TNFSF4: variants seen among roughly 807,000 people sequenced by gnomAD.
TNFSF4 encodes tumor necrosis factor ligand superfamily member 4.
A neutral mutation model predicts 7.3 loss-of-function variants in TNFSF4; 4 were observed. The observed-to-expected ratio is 0.55, with a 90% CI of 0.27 to 1.25. The LOEUF is 1.25. Among genes scored for constraint, TNFSF4 ranks in the 50% most tolerant of loss-of-function variants. TNFSF4 has a pLI of 0.12. For missense variants in TNFSF4, 181 were observed against 208.8 expected (o/e 0.87, Z 0.82); for synonymous variants, 76 against 83.7 (o/e 0.91, Z 0.50).
At chr1:173,324,208 T>A in the TNFSF4 span, among the ~76,000 whole-genome samples, 4 of 152,236 alleles carry the variant, frequency 2.6e-5, no homozygotes, top group Admixed American at 6.5e-5. Context: ...GGGCCAATAT[T>A]CAACATTCTT....
chr1:173,310,051 G>A, the TNFSF4 span, among the ~76,000 whole-genome samples: 1 of 151,642 alleles, frequency 6.6e-6, no homozygotes, highest in Non-Finnish European at 1.5e-5. Flanking sequence ...ATTGAAATTT[G>A]TGTTATCCCT....
In TNFSF4 at chr1:173,197,544, C is replaced by T. The variant is rs541556960; in HGVS notation, c.154-8975G>A. 4.6e-5 allele frequency among the ~76,000 whole-genome samples: 7 copies of T among 152,248 alleles called. No homozygotes were observed. The South Asian group carries it at 1.5e-3, about 32-fold the overall frequency. Reference sequence around the variant, plus strand: ...AACAAGATCATGTCCTTGGCAGGGACGTGGATGGATCTAGAAGCCATTATC... The same window carrying T: ...AACAAGATCATGTCCTTGGCAGGGATGTGGATGGATCTAGAAGCCATTATC... On this transcript the variant is annotated intron_variant, in intron 1 of 2. Transcript: ENST00000281834.
the TNFSF4 span, among the ~76,000 whole-genome samples, chr1:173,244,641 C>CAAAAAAA: frequency 1.6e-5 from 1 of 62,410 alleles, no homozygotes; most frequent in East Asian, 3.9e-4. Context: ...GACTCTGTCT[C>CAAAAAAA]AAAAAAAAAC....
chr1:173,214,188 G>A, the TNFSF4 span, among the ~76,000 whole-genome samples: 3 of 152,078 alleles, frequency 2.0e-5, no homozygotes, highest in African/African-American at 7.2e-5. Flanking sequence ...CTATGAAGCG[G>A]GTACTATTTT....
the TNFSF4 span, among the ~76,000 whole-genome samples, chr1:173,274,216 A>C: frequency 6.6e-6 from 1 of 152,116 alleles, no homozygotes; most frequent in African/African-American, 2.4e-5. Context: ...TGTTAAACAC[A>C]TATTGCTCAA....
At chr1:173,322,136 T>C in the TNFSF4 span, among the ~76,000 whole-genome samples, 161 of 152,172 alleles carry the variant, frequency 1.1e-3, no homozygotes, top group Middle Eastern at 0.01. Context: ...TATGCAGCCA[T>C]AAAAAAGAAT....
chr1:173,312,755 T>C, the TNFSF4 span, among the ~76,000 whole-genome samples: 1 of 152,036 alleles, frequency 6.6e-6, no homozygotes, highest in African/African-American at 2.4e-5. Flanking sequence ...TGGGGGCTTA[T>C]CTAAAATGGA....
At chr1:173,386,324 G>C in the TNFSF4 span, among the ~76,000 whole-genome samples, 2 of 152,204 alleles carry the variant, frequency 1.3e-5, no homozygotes, top group African/African-American at 4.8e-5. Context: ...GTCTGTGTAT[G>C]TCAACTCTGA....
chr1:173,295,009 C>G, the TNFSF4 span, among the ~76,000 whole-genome samples: 3 of 151,958 alleles, frequency 2.0e-5, no homozygotes, highest in Admixed American at 6.6e-5. Context: ...AGATGCTCAT[C>G]ATAATTAGTC....
At chr1:173,362,863 G>T in the TNFSF4 span, 2 of 464,480 alleles carry the variant, frequency 4.3e-6, no homozygotes, top group South Asian at 3.7e-5. Flanking sequence ...GCATGGCTAA[G>T]ACTTGTGGAC....
At chr1:173,240,677 C>T in the TNFSF4 span, among the ~76,000 whole-genome samples, 1 of 152,026 alleles carries the variant, frequency 6.6e-6, no homozygotes, top group Admixed American at 6.6e-5. Flanking sequence ...TCCTTGATGA[C>T]TTCACTGGGA....
the TNFSF4 span, among the ~76,000 whole-genome samples, chr1:173,253,031 G>GT: frequency 6.6e-6 from 1 of 152,096 alleles, no homozygotes; most frequent in Non-Finnish European, 1.5e-5. Flanking sequence ...ATATTTTCAG[G>GT]TTTTTTCTCT....
the TNFSF4 span, among the ~76,000 whole-genome samples, chr1:173,307,740 TAC>T: frequency 1.3e-5 from 2 of 151,166 alleles, no homozygotes; most frequent in Non-Finnish European, 1.5e-5. Flanking sequence ...AATAGGTACA[TAC>T]ACACACACAC....
At chr1:173,226,792 T>G in the TNFSF4 span, among the ~76,000 whole-genome samples, 1 of 152,228 alleles carries the variant, frequency 6.6e-6, no homozygotes, top group Non-Finnish European at 1.5e-5. Flanking sequence ...TTAAGTGCAA[T>G]TTAAGTATTT....
the TNFSF4 span, among the ~76,000 whole-genome samples, chr1:173,325,615 C>T: frequency 6.6e-6 from 1 of 152,012 alleles, no homozygotes; most frequent in Non-Finnish European, 1.5e-5. Flanking sequence ...TGATAGACCG[C>T]TAGCAAGACT....
At chr1:173,438,180 C>T in the TNFSF4 span, among the ~76,000 whole-genome samples, 1 of 151,954 alleles carries the variant, frequency 6.6e-6, no homozygotes, top group African/African-American at 2.4e-5. Context: ...TCACATTGTC[C>T]ACCAAAGTCT....
rs759416251 is a variant in TNFSF4, at chr1:173,186,483, T to G, written c.*33A>C. 1 of 1,549,050 alleles carries G rather than the reference T, an allele frequency of 6.5e-7. No homozygotes were observed. The highest frequency in any genetic ancestry group is 1.2e-5 in the South Asian group (1 of 83,282). ...TCCACCCCCAGCTTGGTGTTCATGC[T>G]GGTGCCTGGTTTTAGATATTGCCAT... On this transcript the variant is annotated 3_prime_UTR_variant, in exon 3 of 3. Coordinates refer to ENST00000281834, the MANE Select transcript of TNFSF4 (RefSeq NM_003326.5).
Position 173,184,948 on chromosome 1 carries a change from C to T in TNFSF4, c.*1568G>A. The stretch of plus-strand genomic sequence containing the variant: ...TCTATTTAGCATTTTTATTTACCTT[C>T]CTTCATAACAGATTAAAATAGAGGG... On this transcript the variant is annotated 3_prime_UTR_variant, in exon 3 of 3. Coordinates refer to ENST00000281834, the MANE Select transcript of TNFSF4 (RefSeq NM_003326.5). 6.6e-6 allele frequency: 1 copy of T among 152,128 alleles called. No individual in the cohort carries two copies. Among genetic ancestry groups the T allele is most frequent in the East Asian group, 1.9e-4 (1 of 5,196 alleles). The allele number at this position is 152,128 out of a possible 1,614,324, so 9.4% of individuals were successfully genotyped here.
chr1:173,385,567 T>C, the TNFSF4 span, among the ~76,000 whole-genome samples: 1 of 152,196 alleles, frequency 6.6e-6, no homozygotes, highest in Non-Finnish European at 1.5e-5. Context: ...AGTAGAGATT[T>C]TGTGTTACGC....
Sources: gnomAD v4.1 joint callset for allele counts (sites outside exome capture counted in the v4.1 genomes callset) on GRCh38, gnomAD v4.1.1 for gene constraint, MANE v1.5 for transcripts, NCBI Gene and HGNC (gene_info 2026-07-23, HGNC 2026-07-21) for gene names.